The following DOCK1 variants were observed in gnomAD, a reference collection of about 807,000 sequenced individuals.
The protein encoded by DOCK1 is dedicator of cytokinesis 1.
In DOCK1, 138 loss-of-function variants were observed where a neutral mutation model predicts 262.7. The ratio of observed to expected loss-of-function variants is 0.53; its 90% confidence interval spans 0.46 to 0.61. DOCK1 has a LOEUF of 0.61. Ranked by LOEUF, DOCK1 falls within the 20% of genes least tolerant of loss-of-function variation. The probability of loss-of-function intolerance (pLI) is 0.00; values close to 1 mark genes in which losing one functional copy is unlikely to be tolerated. For synonymous variants in DOCK1, 866 were observed against 867.4 expected, an observed-to-expected ratio of 1.00 and a Z score of 0.03; for missense variants, 1,908 against 2,370.7, an observed-to-expected ratio of 0.80 and a Z score of 4.05.
At chr10:127,371,799 G>A (rs2065223027) in intron 33 of DOCK1, among the ~76,000 whole-genome samples, 1 of 152,116 alleles carries the variant, frequency 6.6e-6, no homozygotes, top group South Asian at 2.1e-4. Context: ...CAACTTTTGG[G>A]CTACTACCAA....
chr10:127,077,610 G>T (rs1418969211), intron 23 of DOCK1, among the ~76,000 whole-genome samples: 1 of 152,098 alleles, frequency 6.6e-6, no homozygotes, highest in African/African-American at 2.4e-5. Context: ...CTTATTTGGT[G>T]CCAGTTATGG....
rs2041546220 is a variant in DOCK1 at position 127,012,597 on chromosome 10, A to T, written c.1201+223A>T. ...AACATTGCTGAGAGCCCACTCCTGG[A>T]TGGAGAGTGGGGTCAGATTAGAAGT... On this transcript the variant is annotated intron_variant, in intron 12 of 51. Transcript: ENST00000623213. The surrounding 1 kb of genome is among the most constrained non-coding windows in gnomAD (Gnocchi z 4.0). Among the ~76,000 whole-genome samples, 3 of 152,070 alleles carry T rather than the reference A, an allele frequency of 2.0e-5. No homozygotes were observed. Among genetic ancestry groups the T allele is most frequent in the Admixed American group, 6.5e-5 (1 of 15,270 alleles).
intron 1 of DOCK1, among the ~76,000 whole-genome samples, chr10:126,933,125 G>A (rs1467073920): frequency 6.6e-6 from 1 of 152,064 alleles, no homozygotes; most frequent in Non-Finnish European, 1.5e-5. Flanking sequence ...CAATGTGGCA[G>A]GGCTTCCCAC....
At chr10:127,360,789 C>A (rs1362454863) in intron 32 of DOCK1, among the ~76,000 whole-genome samples, 7 of 152,162 alleles carry the variant, frequency 4.6e-5, no homozygotes, top group African/African-American at 1.7e-4. Context: ...AGGGTCACAG[C>A]TAAGCCTTCA....
chr10:127,335,550 GA>G, intron 29 of DOCK1, among the ~76,000 whole-genome samples: 1 of 136,924 alleles, frequency 7.3e-6, no homozygotes, highest in East Asian at 2.4e-4. Context: ...GTAACTAATA[GA>G]TTTTTTTTTT....
At chr10:127,311,286 A>G (rs991169456) in intron 29 of DOCK1, among the ~76,000 whole-genome samples, 16 of 152,164 alleles carry the variant, frequency 1.1e-4, no homozygotes, top group African/African-American at 3.4e-4. Context: ...CATTCATCCT[A>G]TAGAAGGAAC....
At chr10:127,007,268 A>G (rs9299879) in intron 10 of DOCK1, 137,616 of 152,234 alleles carry the variant, frequency 0.9, 62,264 homozygotes, top group South Asian at 0.94. Flanking sequence ...ACCAGACCAA[A>G]CAGGGGATGA....
At chr10:127,144,111 C>T (rs935041796) in intron 27 of DOCK1, among the ~76,000 whole-genome samples, 2 of 152,168 alleles carry the variant, frequency 1.3e-5, no homozygotes, top group African/African-American at 4.8e-5. Flanking sequence ...TCCAGAACTC[C>T]AGCAGTTTCC....
intron 4 of DOCK1, among the ~76,000 whole-genome samples, chr10:126,985,876 G>A (rs552722104): frequency 4.6e-5 from 7 of 152,162 alleles, no homozygotes; most frequent in South Asian, 2.1e-4. Flanking sequence ...ATGGTGTCTC[G>A]CTTTGTTGCC....
At chr10:127,361,033 A>G (rs1042673808) in intron 32 of DOCK1, among the ~76,000 whole-genome samples, 1 of 151,762 alleles carries the variant, frequency 6.6e-6, no homozygotes, top group African/African-American at 2.4e-5. Context: ...AAAACTTTTG[A>G]GAAACATTTT....
intron 27 of DOCK1, among the ~76,000 whole-genome samples, chr10:127,181,875 T>C (rs1418487513): frequency 6.6e-6 from 1 of 152,242 alleles, no homozygotes; most frequent in Non-Finnish European, 1.5e-5. Flanking sequence ...CCTCTTTTCC[T>C]TGGGGCAAAG....
At chr10:126,912,764 A>C (rs992668180) in intron 1 of DOCK1, among the ~76,000 whole-genome samples, 2 of 151,248 alleles carry the variant, frequency 1.3e-5, no homozygotes, top group African/African-American at 4.9e-5. Flanking sequence ...GACACTAGTC[A>C]TGCTGGATAA....
chr10:127,251,701 G>A (rs2059651135), intron 28 of DOCK1, among the ~76,000 whole-genome samples: 1 of 150,684 alleles, frequency 6.6e-6, no homozygotes, highest in Middle Eastern at 3.2e-3. Flanking sequence ...TCCCTACAAA[G>A]GACATGAACT....
chr10:127,265,912 G>T (rs2060335888), intron 29 of DOCK1, among the ~76,000 whole-genome samples: 1 of 152,242 alleles, frequency 6.6e-6, no homozygotes, highest in Non-Finnish European at 1.5e-5. Flanking sequence ...AGGCAAATTT[G>T]CAGGGTAGGC....
intron 24 of DOCK1, among the ~76,000 whole-genome samples, chr10:127,107,539 C>T (rs576767082): frequency 1.3e-5 from 2 of 152,324 alleles, no homozygotes; most frequent in East Asian, 1.9e-4. Flanking sequence ...CACAGGCTCA[C>T]GGGCGGTGTC....
intron 27 of DOCK1, among the ~76,000 whole-genome samples, chr10:127,187,714 A>C (rs1014752652): frequency 1.6e-3 from 235 of 144,752 alleles, no homozygotes; most frequent in African/African-American, 5.6e-3. Flanking sequence ...ATTAAAAAAC[A>C]AGGAGAAGAA....
intron 23 of DOCK1, among the ~76,000 whole-genome samples, chr10:127,078,816 C>T (rs553021887): frequency 2.0e-5 from 3 of 152,218 alleles, no homozygotes; most frequent in Admixed American, 1.3e-4. Flanking sequence ...TTATTCTAAG[C>T]GAAGTAACTC....
At chr10:126,987,673 C>T (rs1342056884) in intron 5 of DOCK1, 56 bp downstream of exon 5, 6 of 1,381,256 alleles carry the variant, frequency 4.3e-6, no homozygotes, top group African/African-American at 1.5e-5. Flanking sequence ...GCTTTTTTGA[C>T]CCTGATATGC....
At chr10:127,064,575 A>G (rs1384888590) in intron 23 of DOCK1, among the ~76,000 whole-genome samples, 1 of 152,176 alleles carries the variant, frequency 6.6e-6, no homozygotes, top group Non-Finnish European at 1.5e-5. Flanking sequence ...AGGAAACTCC[A>G]CTGAGTGTGT....
Sources: gnomAD v4.1 joint callset for allele counts (sites outside exome capture counted in the v4.1 genomes callset) on GRCh38, gnomAD v4.1.1 for gene constraint, Gnocchi (gnomAD v3.1) non-coding constraint, MANE v1.5 for transcripts, NCBI Gene and HGNC (gene_info 2026-07-23, HGNC 2026-07-21) for gene names.